Variants in MLLT3 observed in about 807,000 individuals in gnomAD.
The protein encoded by MLLT3 is MLLT3 super elongation complex subunit.
A neutral mutation model predicts 53.2 loss-of-function variants in MLLT3; 4 were observed. The ratio of observed to expected loss-of-function variants is 0.08; its 90% CI spans 0.04 to 0.17. The LOEUF is 0.17. Among genes scored for constraint, MLLT3 ranks in the 10% least tolerant of loss-of-function variants. The pLI is 1.00. For synonymous variants in MLLT3, 283 were observed against 230.6 expected, an observed-to-expected ratio of 1.23 and a Z score of -2.06; for missense variants, 569 against 684.0, an observed-to-expected ratio of 0.83 and a Z score of 1.87.
intron 2 of MLLT3, among the ~76,000 whole-genome samples, chr9:20,492,759 A>G (rs1270286913): frequency 6.6e-6 from 1 of 152,004 alleles, no homozygotes; most frequent in African/African-American, 2.4e-5. Flanking sequence ...TCTCTAACTT[A>G]AATATCCATT....
chr9:20,392,760 C>A (rs1822219650), intron 5 of MLLT3, among the ~76,000 whole-genome samples: 1 of 152,074 alleles, frequency 6.6e-6, no homozygotes, highest in South Asian at 2.1e-4. Context: ...GCCCTGTAAC[C>A]CTCTGCAAGA....
At chr9:20,607,004 C>T (rs1455793723) in intron 2 of MLLT3, among the ~76,000 whole-genome samples, 2 of 152,094 alleles carry the variant, frequency 1.3e-5, no homozygotes, top group Non-Finnish European at 2.9e-5. Flanking sequence ...CCTCTGGTTC[C>T]TCTTTCACTG....
intron 4 of MLLT3, among the ~76,000 whole-genome samples, chr9:20,441,703 A>T (rs1383429739): frequency 6.6e-6 from 1 of 152,128 alleles, no homozygotes; most frequent in African/African-American, 2.4e-5. Flanking sequence ...TATATATCAG[A>T]AAATAATCAA....
At chr9:20,587,695 T>C (rs934286962) in intron 2 of MLLT3, among the ~76,000 whole-genome samples, 5 of 152,194 alleles carry the variant, frequency 3.3e-5, no homozygotes, top group Non-Finnish European at 7.3e-5. Context: ...GTTGTTTGTT[T>C]TTTTCTTGTA....
intron 2 of MLLT3, among the ~76,000 whole-genome samples, chr9:20,483,116 T>G (rs1345658091): frequency 1.3e-5 from 2 of 152,202 alleles, no homozygotes; most frequent in African/African-American, 2.4e-5. Flanking sequence ...GTGAATCATT[T>G]CAGACTCTTA....
chr9:20,586,330 A>C (rs1819960002), intron 2 of MLLT3, among the ~76,000 whole-genome samples: 1 of 151,948 alleles, frequency 6.6e-6, no homozygotes, highest in African/African-American at 2.4e-5. Flanking sequence ...AGAGAAAAAA[A>C]AAAGTAATAT....
intron 5 of MLLT3, among the ~76,000 whole-genome samples, chr9:20,400,719 A>G (rs907007923): frequency 2.6e-5 from 4 of 151,958 alleles, no homozygotes; most frequent in Admixed American, 6.6e-5. Context: ...AAATCTTCAT[A>G]ATGAAGGATT....
chr9:20,598,008 T>C (rs371820142), intron 2 of MLLT3, among the ~76,000 whole-genome samples: 7 of 152,314 alleles, frequency 4.6e-5, no homozygotes, highest in African/African-American at 1.7e-4. Context: ...ATTTATTTGT[T>C]GGAAGAAAGA....
At chr9:20,548,907 C>G (rs1341377969) in intron 2 of MLLT3, among the ~76,000 whole-genome samples, 2 of 152,042 alleles carry the variant, frequency 1.3e-5, no homozygotes, top group Non-Finnish European at 2.9e-5. Context: ...TCGACCTCCC[C>G]CGGCTCAGCT....
chr9:20,512,562 C>T (rs1036713304), intron 2 of MLLT3, among the ~76,000 whole-genome samples: 2 of 152,202 alleles, frequency 1.3e-5, no homozygotes, highest in Non-Finnish European at 2.9e-5. Context: ...TTATAAACAG[C>T]ATCTATGAGT....
intron 2 of MLLT3, among the ~76,000 whole-genome samples, chr9:20,510,748 C>G (rs1825514972): frequency 6.6e-6 from 1 of 151,942 alleles, no homozygotes; most frequent in Non-Finnish European, 1.5e-5. Flanking sequence ...CTACAATCTT[C>G]CAGAAAGCAT....
intron 5 of MLLT3, among the ~76,000 whole-genome samples, chr9:20,405,638 T>C (rs1357234050): frequency 6.6e-6 from 1 of 152,206 alleles, no homozygotes; most frequent in Non-Finnish European, 1.5e-5. Flanking sequence ...CACACAGGTC[T>C]ACCATGGAGG....
intron 2 of MLLT3, among the ~76,000 whole-genome samples, chr9:20,513,649 TG>T (rs1316702213): frequency 1.3e-5 from 2 of 152,146 alleles, no homozygotes; most frequent in African/African-American, 4.8e-5. Flanking sequence ...CAGCAGTCCA[TG>T]CAGGGTACGG....
At chr9:20,461,941 G>C (rs574959655) in intron 2 of MLLT3, among the ~76,000 whole-genome samples, 8 of 152,230 alleles carry the variant, frequency 5.3e-5, no homozygotes, top group African/African-American at 1.9e-4. Context: ...TGTGCCAAAT[G>C]TCCCTTCCAG....
intron 4 of MLLT3, among the ~76,000 whole-genome samples, chr9:20,433,373 A>G (rs981257272): frequency 3.3e-5 from 5 of 152,196 alleles, no homozygotes; most frequent in Non-Finnish European, 5.9e-5. Flanking sequence ...ATATATACCC[A>G]TGAGTCCATG....
intron 2 of MLLT3, among the ~76,000 whole-genome samples, chr9:20,478,239 T>C (rs990978438): frequency 2.0e-5 from 3 of 152,118 alleles, no homozygotes; most frequent in African/African-American, 7.2e-5. Flanking sequence ...GATATGTTAA[T>C]TGAAGTTAAC....
intron 2 of MLLT3, among the ~76,000 whole-genome samples, chr9:20,525,146 A>AG (rs1013854107): frequency 1.3e-5 from 2 of 150,888 alleles, no homozygotes; most frequent in African/African-American, 4.9e-5. Flanking sequence ...AAAAAAAAAA[A>AG]CAGAGGCGTG....
intron 2 of MLLT3, among the ~76,000 whole-genome samples, chr9:20,543,653 GA>G (rs924665700): frequency 9.2e-5 from 14 of 151,606 alleles, no homozygotes; most frequent in Non-Finnish European, 1.5e-5. Flanking sequence ...GAAAGAAGAA[GA>G]AGGAAAAGAA....
At chr9:20,402,992 C>A (rs1822493444) in intron 5 of MLLT3, among the ~76,000 whole-genome samples, 1 of 152,052 alleles carries the variant, frequency 6.6e-6, no homozygotes, top group African/African-American at 2.4e-5. Flanking sequence ...TCACTAGGAA[C>A]CACTTTAAAA....
Sources: gnomAD v4.1 joint callset for allele counts (sites outside exome capture counted in the v4.1 genomes callset) on GRCh38, gnomAD v4.1.1 for gene constraint, MANE v1.5 for transcripts, NCBI Gene and HGNC (gene_info 2026-07-23, HGNC 2026-07-21) for gene names.